The following JCAD variants were observed in gnomAD, a reference collection of about 807,000 sequenced individuals.
JCAD encodes junctional cadherin 5-associated protein.
In JCAD, 40 loss-of-function variants were observed where a neutral mutation model predicts 98.0. That is an observed-to-expected ratio of 0.41 (90% CI 0.32 to 0.53). The LOEUF is 0.53. Ranked by LOEUF, JCAD falls within the 20% of genes least tolerant of loss-of-function variation. The probability of loss-of-function intolerance (pLI) is 0.31; values close to 1 mark genes in which losing one functional copy is unlikely to be tolerated. For missense variants in JCAD, 1,705 were observed against 1,738.1 expected, an observed-to-expected ratio of 0.98 and a Z score of 0.34; for synonymous variants, 691 against 682.3, an observed-to-expected ratio of 1.01 and a Z score of -0.20.
intron 2 of JCAD, among the ~76,000 whole-genome samples, chr10:30,067,775 C>T (rs942706758): frequency 2.0e-5 from 3 of 152,136 alleles, no homozygotes; most frequent in South Asian, 2.1e-4. Context: ...GATGAGAATA[C>T]GTTCTGAGAA....
At chr10:30,092,771 A>G (rs1838306826) in intron 1 of JCAD, among the ~76,000 whole-genome samples, 1 of 152,156 alleles carries the variant, frequency 6.6e-6, no homozygotes, top group Non-Finnish European at 1.5e-5. Flanking sequence ...CCACCGGAGC[A>G]TGGACTAGAA....
At position 30,029,236 on chromosome 10, in the gene JCAD, A is replaced by G; in HGVS notation, c.912T>C (p.Ser304=). The change falls in exon 3 of 4, where the codon TCT becomes TCC. Residue 304 remains serine (S), a synonymous_variant. Transcript: ENST00000375377. Reference sequence around the variant, plus strand: ...AGTCACTGCTGTCCGCTCCTCCCCTAGACTGCTGGTGCGAGCTGTAAGATG... The same window carrying G: ...AGTCACTGCTGTCCGCTCCTCCCCTGGACTGCTGGTGCGAGCTGTAAGATG... The part of the protein sequence containing the change: ...KPPSYSSHQQ[S]RGGADSSDSQ... 1 of 1,614,068 alleles carries G rather than the reference A, an allele frequency of 6.2e-7. No homozygotes were observed. Among genetic ancestry groups the G allele is most frequent in the Non-Finnish European group, 8.5e-7 (1 of 1,180,000 alleles).
chr10:30,039,949 C>T (rs79949794), intron 2 of JCAD, among the ~76,000 whole-genome samples: 1,581 of 152,304 alleles, frequency 0.01, 26 homozygotes, highest in African/African-American at 0.035. Flanking sequence ...GTGTTTAGCA[C>T]AGTGCCTGAC....
chr10:30,072,429 T>C (rs978636898), intron 1 of JCAD, among the ~76,000 whole-genome samples: 9 of 152,344 alleles, frequency 5.9e-5, no homozygotes, highest in Admixed American at 2.0e-4. Context: ...AGCATTTGTA[T>C]ATCCATAAAG....
chr10:30,072,601 G>T (rs1254774891), intron 1 of JCAD, among the ~76,000 whole-genome samples: 1 of 151,960 alleles, frequency 6.6e-6, no homozygotes, highest in Admixed American at 6.6e-5. Flanking sequence ...AAGAAGTAGT[G>T]GTTGGCTATT....
chr10:30,048,069 T>G (rs1457913614), intron 1 of JCAD, among the ~76,000 whole-genome samples, 198 bp from the exon 2 acceptor site: 1 of 152,184 alleles, frequency 6.6e-6, no homozygotes, highest in African/African-American at 2.4e-5. Context: ...TGGGTGTGGC[T>G]CTGACTCTAA....
intron 2 of JCAD, among the ~76,000 whole-genome samples, chr10:30,046,869 A>G (rs2132642564): frequency 6.6e-6 from 1 of 152,246 alleles, no homozygotes; most frequent in Non-Finnish European, 1.5e-5. Context: ...AGGTGGGAGG[A>G]CTGCATGAGG....
chr10:30,063,005 G>A (rs941087809), upstream of JCAD, among the ~76,000 whole-genome samples: 3 of 152,136 alleles, frequency 2.0e-5, no homozygotes, highest in South Asian at 4.1e-4. Flanking sequence ...TTCCACACCG[G>A]TCACCAGTAC....
At chr10:30,040,059 A>C (rs1837209668) in intron 2 of JCAD, among the ~76,000 whole-genome samples, 1 of 152,212 alleles carries the variant, frequency 6.6e-6, no homozygotes, top group Non-Finnish European at 1.5e-5. Flanking sequence ...CGCCTGGGGA[A>C]GGGGGTGCGG....
intron 1 of JCAD, among the ~76,000 whole-genome samples, chr10:30,115,198 C>T (rs1246149935): frequency 6.6e-6 from 1 of 152,216 alleles, no homozygotes; most frequent in Non-Finnish European, 1.5e-5. Flanking sequence ...GCAGCTCTCT[C>T]TCCAGGAGAT....
intron 2 of JCAD, among the ~76,000 whole-genome samples, chr10:30,033,534 G>C (rs1266641898): frequency 6.6e-6 from 1 of 152,144 alleles, no homozygotes; most frequent in Non-Finnish European, 1.5e-5. Context: ...TTCATCCCTA[G>C]TTATTACAAC....
intron 1 of JCAD, among the ~76,000 whole-genome samples, chr10:30,049,190 G>T (rs1368802843): frequency 6.6e-6 from 1 of 152,184 alleles, no homozygotes; most frequent in Non-Finnish European, 1.5e-5. Flanking sequence ...GCTTCTACGG[G>T]GGCTGATGGT....
At chr10:30,093,895 A>G (rs981390474) in intron 1 of JCAD, among the ~76,000 whole-genome samples, 10 of 152,330 alleles carry the variant, frequency 6.6e-5, no homozygotes, top group African/African-American at 2.2e-4. Context: ...AGAATATTGG[A>G]TGACTGACTA....
intron 2 of JCAD, among the ~76,000 whole-genome samples, chr10:30,066,719 A>G (rs572488997): frequency 2.0e-5 from 3 of 151,466 alleles, no homozygotes; most frequent in Non-Finnish European, 4.4e-5. Flanking sequence ...TTTTAACCCC[A>G]TATGACTTTT....
At chr10:30,035,285 A>C (rs1837085506) in intron 2 of JCAD, among the ~76,000 whole-genome samples, 1 of 152,232 alleles carries the variant, frequency 6.6e-6, no homozygotes, top group Non-Finnish European at 1.5e-5. Context: ...ATATATAACA[A>C]ACCAAAATAA....
In JCAD at chr10:30,047,458, A is replaced by C. The variant is rs537527646; in HGVS notation, c.281+74T>G. On this transcript the variant is annotated intron_variant, in intron 2 of 3. Coordinates refer to ENST00000375377, the MANE Select transcript of JCAD (RefSeq NM_020848.4). ...GGCCCTGGCCAAATATAGATTTGAAAGAGTTTACCTACACATCACCCACCG... is the reference window on the plus strand; with the variant it reads ...GGCCCTGGCCAAATATAGATTTGAACGAGTTTACCTACACATCACCCACCG... 28 of 1,499,674 alleles carry C rather than the reference A, an allele frequency of 1.9e-5. 1 individual carries two copies. The African/African-American group carries it at 3.5e-4, about 19-fold the overall frequency. The allele number at this position is 1,499,674 out of a possible 1,614,324, so 92.9% of individuals were successfully genotyped here. A position where few individuals can be genotyped will look rare whatever the true frequency, so the allele number is the denominator to read the frequency against.
chr10:30,043,410 A>G (rs534574499), intron 2 of JCAD, among the ~76,000 whole-genome samples: 46 of 152,324 alleles, frequency 3.0e-4, no homozygotes, highest in Admixed American at 7.2e-4. Flanking sequence ...ACTAATCATT[A>G]CAGGGTAAGG....
chr10:30,082,517 G>T (rs1419111514), intron 1 of JCAD, among the ~76,000 whole-genome samples: 1 of 152,042 alleles, frequency 6.6e-6, no homozygotes, highest in Admixed American at 6.6e-5. Flanking sequence ...AAGAGATCAA[G>T]ACCATCCTGG....
rs74699346 is a variant in JCAD at position 30,029,861 on chromosome 10, C to A, written c.287G>T (p.Cys96Phe). 6.2e-7 allele frequency: 1 copy of A among 1,612,358 alleles called. No individual in the cohort carries two copies. ...GGACCATGCTGAGGGGGGTTGATTA[C>A]AAAACCTACAAAACAAAGAGTCACA... Reference protein sequence around the residue: ...SASRTSEAGFCNQPPSAWSSH... With the variant: ...SASRTSEAGFFNQPPSAWSSH... Residue 96 changes from cysteine (C) to phenylalanine (F), a missense_variant, in exon 3 of 4, where the codon TGT becomes TTT. Cys to Phe is a radical substitution (Grantham distance 205). This residue lies in a region of JCAD where 152 missense variants were observed against 148.0 expected (regional missense o/e 1.03). Coordinates refer to ENST00000375377, the MANE Select transcript of JCAD (RefSeq NM_020848.4).
Sources: allele counts gnomAD v4.1 joint callset (sites outside exome capture counted in the v4.1 genomes callset), GRCh38; gene constraint gnomAD v4.1.1; regional missense constraint gnomAD v4.1.1; transcripts MANE v1.5; gene names NCBI Gene and HGNC (gene_info 2026-07-23, HGNC 2026-07-21).